The following RASGRF1 variants were observed in gnomAD, a reference collection of about 807,000 sequenced individuals.
The protein encoded by RASGRF1 is Ras protein specific guanine nucleotide releasing factor 1, also known as ras-specific guanine nucleotide-releasing factor 1.
In RASGRF1, 40 loss-of-function variants were observed where a neutral mutation model predicts 138.7. That is an observed-to-expected ratio of 0.29 (90% CI 0.22 to 0.38). The LOEUF (loss-of-function observed/expected upper bound fraction) is 0.38. Among genes scored for constraint, RASGRF1 ranks in the 10% least tolerant of loss-of-function variants. RASGRF1 has a pLI of 1.00. For missense variants in RASGRF1, 1,108 were observed against 1,650.4 expected (o/e 0.67, Z 5.69); for synonymous variants, 614 against 663.2 (o/e 0.93, Z 1.14).
chr15:78,994,631 G>C (rs2056350707), intron 20 of RASGRF1, among the ~76,000 whole-genome samples: 1 of 152,206 alleles, frequency 6.6e-6, no homozygotes, highest in Admixed American at 6.5e-5. Context: ...TTGGAAAAAA[G>C]TGGGCTGTAG....
chr15:79,000,047 G>A (rs1030570789), intron 16 of RASGRF1, 134 bp from the exon 17 acceptor site: 4 of 901,608 alleles, frequency 4.4e-6, no homozygotes, highest in Middle Eastern at 2.8e-4. Flanking sequence ...AGGGCATGTC[G>A]GGTGGTGCTG....
rs553238833 is a variant in RASGRF1 at position 79,077,630 on chromosome 15, G to A, written c.276+12593C>T. Among the ~76,000 whole-genome samples, 12 of 152,280 alleles carry A rather than the reference G, an allele frequency of 7.9e-5. No individual in the cohort carries two copies. In the South Asian group the frequency reaches 1.2e-3, roughly 16 times the overall value. ...GATCAGTGGGTTACAGGGAGATGGC[G>A]TTTGTGGCATCTTGCACATTATCTT... On this transcript the variant is annotated intron_variant, in intron 1 of 26. Transcript: ENST00000558480.
At chr15:79,033,974 G>T (rs886596644) in intron 6 of RASGRF1, among the ~76,000 whole-genome samples, 1 of 152,236 alleles carries the variant, frequency 6.6e-6, no homozygotes, top group Admixed American at 6.5e-5. Context: ...TGTGATGGGT[G>T]TCTGACCACC....
At chr15:79,049,682 G>T in intron 3 of RASGRF1, 94 bp from the exon 4 acceptor site, 1 of 997,742 alleles carries the variant, frequency 1.0e-6, no homozygotes, top group Non-Finnish European at 1.5e-6. Context: ...GGTGGCAGCC[G>T]AGTGCCCTGC....
intron 22 of RASGRF1, among the ~76,000 whole-genome samples, chr15:78,989,234 C>G (rs2056221972): frequency 1.3e-5 from 2 of 152,184 alleles, no homozygotes; most frequent in African/African-American, 4.8e-5. Context: ...CCCATCTGAA[C>G]TTAGTGTGCC....
Position 79,047,014 on chromosome 15 carries a change from C to A in RASGRF1, c.625-15G>T. 2 of 1,603,606 alleles carry A rather than the reference C, an allele frequency of 1.2e-6. No individual in the cohort carries two copies. Among genetic ancestry groups the A allele is most frequent in the Non-Finnish European group, 8.5e-7 (1 of 1,174,380 alleles). ...AAGCTCTGCACCTGAGCAGCAAGACCGGTGGGGAGAGGCTCCTGTCAGGGA... is the reference window on the plus strand; with the variant it reads ...AAGCTCTGCACCTGAGCAGCAAGACAGGTGGGGAGAGGCTCCTGTCAGGGA... On this transcript the variant is annotated splice_polypyrimidine_tract_variant and intron_variant, in intron 4 of 26. Transcript: ENST00000558480.
At chr15:78,976,353 G>A (rs1416715399) in intron 24 of RASGRF1, among the ~76,000 whole-genome samples, 4 of 152,066 alleles carry the variant, frequency 2.6e-5, no homozygotes, top group East Asian at 1.9e-4. Flanking sequence ...TGGGCCACAC[G>A]TAAAATACAC....
chr15:79,005,735 C>G (rs2056656945), intron 14 of RASGRF1: 2 of 608,712 alleles, frequency 3.3e-6, no homozygotes, highest in Non-Finnish European at 4.1e-6. Context: ...CCCTCCCTCC[C>G]TCCCTCCCTC....
chr15:79,068,532 T>C lies in RASGRF1; in HGVS notation c.277-4006A>G, dbSNP rs1002349859. On this transcript the variant is annotated intron_variant, in intron 1 of 26. Coordinates refer to ENST00000558480, the MANE Select transcript of RASGRF1 (RefSeq NM_001145648.3). ...ATATTTATATGTATAAGTATATATA[T>C]ACATACATATATATACACATGCTTT... 2.0e-5 allele frequency among the ~76,000 whole-genome samples: 3 copies of C among 148,918 alleles called. No homozygotes were observed. In the Admixed American group the frequency reaches 2.0e-4, roughly 10 times the overall value.
intron 24 of RASGRF1, among the ~76,000 whole-genome samples, chr15:78,977,377 G>A (rs1242879924): frequency 6.6e-6 from 1 of 152,148 alleles, no homozygotes; most frequent in African/African-American, 2.4e-5. Flanking sequence ...TGGGGCCAGG[G>A]TCCAAGGTTC....
Position 78,971,643 on chromosome 15 carries a change from C to T in RASGRF1, c.3681+223G>A, listed in dbSNP as rs147632886. Among the ~76,000 whole-genome samples, 306 of 152,302 alleles carry T rather than the reference C, an allele frequency of 2.0e-3. 2 individuals are homozygous for T. The highest frequency in any genetic ancestry group is 0.01 in the South Asian group (49 of 4,820). ...GGGGAGATTAGACATGAATATAAAC[C>T]ATCCTATGGCAGGTAAAATCAGACA... On this transcript the variant is annotated intron_variant, in intron 26 of 26. Transcript: ENST00000558480.
At chr15:79,009,113 G>A (rs6495362) in intron 13 of RASGRF1, among the ~76,000 whole-genome samples, 105,730 of 151,932 alleles carry the variant, frequency 0.7, 37,041 homozygotes, top group East Asian at 0.88. Flanking sequence ...CAGGTGCTGA[G>A]CCCCCCACCT....
rs142753114 is a variant in RASGRF1 at position 79,046,908 on chromosome 15, C to T, written c.716G>A (p.Arg239His). The T allele has an allele frequency of 2.4e-5, 38 of 1,614,060 alleles. No homozygotes were observed. The highest frequency in any genetic ancestry group is 5.0e-5 in the Admixed American group (3 of 60,018). The change falls in exon 5 of 27, where the codon CGC becomes CAC. Residue 239 changes from arginine (R) to histidine (H), a missense_variant. This residue lies in a region of RASGRF1 where 253 missense variants were observed against 329.5 expected (regional missense o/e 0.77). Transcript: ENST00000558480. The surrounding 1 kb of genome is among the most constrained non-coding windows in gnomAD (Gnocchi z 5.3). Reference sequence around the variant, plus strand: ...GCTGAACACCACCTGGTTCCTCTTGCGCATGCTGTCAGCATGGGGTGACCG... The same window carrying T: ...GCTGAACACCACCTGGTTCCTCTTGTGCATGCTGTCAGCATGGGGTGACCG... ...YIRSPHADSM[R>H]KRNQVVFSML...
Position 79,006,524 on chromosome 15 carries a change from A to G in RASGRF1, c.1827-90T>C. The G allele has an allele frequency of 2.1e-6, 3 of 1,432,932 alleles. No homozygotes were observed. The South Asian group carries it at 3.9e-5, about 19-fold the overall frequency. 88.8% of individuals were successfully genotyped at this position (1,432,932 alleles called of 1,614,324 possible). A position where few individuals can be genotyped will look rare whatever the true frequency, so the allele number is the denominator to read the frequency against. On this transcript the variant is annotated intron_variant, in intron 13 of 26. Transcript: ENST00000558480. The surrounding 1 kb of genome is among the most constrained non-coding windows in gnomAD (Gnocchi z 4.0). Reference sequence around the variant, plus strand: ...GCCTGCTCATCACTGCTTCCCCCACACACTGACAACACAGGATGGTCTTAT... The same window carrying G: ...GCCTGCTCATCACTGCTTCCCCCACGCACTGACAACACAGGATGGTCTTAT...
At chr15:79,017,746 T>C in intron 12 of RASGRF1, 24 bp downstream of exon 12, 1 of 1,587,482 alleles carries the variant, frequency 6.3e-7, no homozygotes, top group Non-Finnish European at 8.5e-7. Context: ...CCACTCGCTT[T>C]CAGGAACAGG....
chr15:78,984,825 C>G, intron 23 of RASGRF1, 182 bp downstream of exon 23: 1 of 661,578 alleles, frequency 1.5e-6, no homozygotes, highest in Non-Finnish European at 2.7e-6. Flanking sequence ...ACTGCCATAT[C>G]TGTGGGCCTG....
chr15:78,986,535 T>A (rs1253223768), intron 22 of RASGRF1, among the ~76,000 whole-genome samples: 2 of 151,944 alleles, frequency 1.3e-5, no homozygotes, highest in Non-Finnish European at 2.9e-5. Context: ...TTAGTAGAGA[T>A]GGGGTTTTAC....
In RASGRF1 at chr15:79,006,922, G is replaced by T. The variant is rs1814027728; in HGVS notation, c.1827-488C>A. 6.6e-6 allele frequency among the ~76,000 whole-genome samples: 1 copy of T among 152,170 alleles called. No homozygotes were observed. Among genetic ancestry groups the T allele is most frequent in the African/African-American group, 2.4e-5 (1 of 41,430 alleles). On this transcript the variant is annotated intron_variant, in intron 13 of 26. Coordinates refer to ENST00000558480, the MANE Select transcript of RASGRF1 (RefSeq NM_001145648.3). The surrounding 1 kb of genome is among the most constrained non-coding windows in gnomAD (Gnocchi z 4.0). ...AGTTACTAGGGAGGCTGAGGCACAA[G>T]AATCGCTTGAACCCTGGAGATGGAG...
At chr15:79,075,804 T>G (rs985209510) in intron 1 of RASGRF1, among the ~76,000 whole-genome samples, 1 of 152,202 alleles carries the variant, frequency 6.6e-6, no homozygotes, top group Admixed American at 6.5e-5. Context: ...GGTCTGGCAG[T>G]GAAGCTCAGA....
Sources: gnomAD v4.1 joint callset for allele counts (sites outside exome capture counted in the v4.1 genomes callset) on GRCh38, gnomAD v4.1.1 for gene constraint, gnomAD v4.1.1 regional missense constraint, Gnocchi (gnomAD v3.1) non-coding constraint, MANE v1.5 for transcripts, NCBI Gene and HGNC (gene_info 2026-07-23, HGNC 2026-07-21) for gene names.